Variants in AKAP13 observed in about 807,000 individuals in gnomAD.
The protein encoded by AKAP13 is A-kinase anchor protein 13.
AKAP13 carries 80 observed loss-of-function variants against 264.5 expected under a neutral mutation model. That is an observed-to-expected ratio of 0.30 (90% CI 0.25 to 0.36). AKAP13 has a LOEUF of 0.36. AKAP13 is among the 10% of genes least tolerant of loss of function. The pLI is 1.00. For missense variants in AKAP13, 3,712 were observed against 3,435.2 expected (o/e 1.08, Z -2.01); for synonymous variants, 1,380 against 1,250.2 (o/e 1.10, Z -2.19).
At chr15:85,524,000 A>G (rs940389368) in intron 3 of AKAP13, among the ~76,000 whole-genome samples, 1 of 152,226 alleles carries the variant, frequency 6.6e-6, no homozygotes, top group African/African-American at 2.4e-5. Context: ...CTTCGTGGAA[A>G]GTCCATGCAG....
chr15:85,395,452 G>GA (rs1941986784), intron 1 of AKAP13, among the ~76,000 whole-genome samples: 1 of 152,124 alleles, frequency 6.6e-6, no homozygotes, highest in South Asian at 2.1e-4. Flanking sequence ...GTTCTGCCAA[G>GA]ATTTATGGTA....
At chr15:85,732,080 CAAAAAAAAAA>C (rs34426976) in intron 30 of AKAP13, among the ~76,000 whole-genome samples, 2 of 114,574 alleles carry the variant, frequency 1.7e-5, no homozygotes, top group African/African-American at 6.4e-5. Context: ...GAGACTATCT[CAAAAAAAAAA>C]AAAAAAAACG....
chr15:85,417,518 G>C (rs1431190475), intron 1 of AKAP13, among the ~76,000 whole-genome samples: 6 of 152,288 alleles, frequency 3.9e-5, no homozygotes, highest in African/African-American at 1.4e-4. Flanking sequence ...TATGATTAAT[G>C]GGTATTAGGA....
chr15:85,501,740 G>A (rs1468331839), intron 2 of AKAP13, among the ~76,000 whole-genome samples: 1 of 152,214 alleles, frequency 6.6e-6, no homozygotes, highest in Non-Finnish European at 1.5e-5. Flanking sequence ...TAAGAACAGA[G>A]TTAGAATTCA....
chr15:85,511,325 T>A (rs2076411311), intron 2 of AKAP13, among the ~76,000 whole-genome samples: 1 of 152,188 alleles, frequency 6.6e-6, no homozygotes, highest in South Asian at 2.1e-4. Flanking sequence ...TACCACAAAC[T>A]CATCTACAGT....
In AKAP13 at chr15:85,696,035, A is replaced by G. The variant is rs183540226; in HGVS notation, c.5464+2584A>G. ...ATTAAAACATTTTTAGCATACTCAC[A>G]TAGGATACATACATAACATAAAAAT... is the stretch of plus-strand genomic sequence containing the variant. On this transcript the variant is annotated intron_variant, in intron 17 of 36. Transcript: ENST00000394518. Among the ~76,000 whole-genome samples the G allele has an allele frequency of 1.3e-3, 199 of 152,344 alleles. 1 individual carries two copies. Among genetic ancestry groups the G allele is most frequent in the South Asian group, 3.1e-3 (15 of 4,828 alleles).
In AKAP13 at chr15:85,727,281, C is replaced by T. The variant is rs1162941616; in HGVS notation, c.7004+34C>T. 1 of 1,613,416 alleles carries T rather than the reference C, an allele frequency of 6.2e-7. No homozygotes were observed. The highest frequency in any genetic ancestry group is 1.7e-5 in the Admixed American group (1 of 59,992). On this transcript the variant is annotated intron_variant, in intron 28 of 36. Coordinates refer to ENST00000394518, the MANE Select transcript of AKAP13 (RefSeq NM_007200.5). This position sits in a 1 kb window ranked among gnomAD's most constrained non-coding sequence, Gnocchi z 5.3. ...ACCACCAGGCCCCACCCTTCCCAGC[C>T]CTCCTGATGTCTCTGTGTGATTTCA...
At chr15:85,598,718 A>G (rs1216618387) in intron 8 of AKAP13, among the ~76,000 whole-genome samples, 2 of 152,230 alleles carry the variant, frequency 1.3e-5, no homozygotes, top group Non-Finnish European at 2.9e-5. Flanking sequence ...GAAATGAACC[A>G]GGAGTTGACA....
At chr15:85,681,939 A>C (rs950163044) in intron 14 of AKAP13, among the ~76,000 whole-genome samples, 2 of 152,068 alleles carry the variant, frequency 1.3e-5, no homozygotes, top group African/African-American at 4.8e-5. Flanking sequence ...GATTAAACTT[A>C]TTTTCTTCAT....
At chr15:85,555,463 C>T (rs1281205843) in intron 5 of AKAP13, 26 of 1,288,622 alleles carry the variant, frequency 2.0e-5, no homozygotes, top group South Asian at 2.5e-5. Flanking sequence ...GATGGGCTTG[C>T]GATATTCGGG....
chr15:85,584,367 C>A (rs1184685022), intron 7 of AKAP13, among the ~76,000 whole-genome samples: 1 of 152,088 alleles, frequency 6.6e-6, no homozygotes, highest in African/African-American at 2.4e-5. Context: ...GGTTGCTGTG[C>A]CAAGATGCAT....
chr15:85,650,791 C>T (rs377713791), intron 10 of AKAP13, among the ~76,000 whole-genome samples: 2 of 65,150 alleles, frequency 3.1e-5, no homozygotes, highest in African/African-American at 6.0e-5. Flanking sequence ...AAAAAAAAAA[C>T]AACAAAAACT....
chr15:85,642,669 T>G (rs2082363887), intron 9 of AKAP13, among the ~76,000 whole-genome samples: 1 of 152,210 alleles, frequency 6.6e-6, no homozygotes, highest in Non-Finnish European at 1.5e-5. Flanking sequence ...CAGAGCAGAC[T>G]CTCGTCCCAA....
chr15:85,610,497 C>G (rs1448052868), intron 8 of AKAP13, among the ~76,000 whole-genome samples: 1 of 152,232 alleles, frequency 6.6e-6, no homozygotes, highest in Non-Finnish European at 1.5e-5. Context: ...ATGGAACTCA[C>G]TTCTTGGTAA....
intron 1 of AKAP13, among the ~76,000 whole-genome samples, chr15:85,484,551 T>C (rs116957581): frequency 6.6e-6 from 1 of 152,226 alleles, no homozygotes. Flanking sequence ...ACGTTGAAGC[T>C]TGGGGCCTGC....
At chr15:85,450,288 T>C (rs2074037401) in intron 1 of AKAP13, among the ~76,000 whole-genome samples, 1 of 151,850 alleles carries the variant, frequency 6.6e-6, no homozygotes, top group Non-Finnish European at 1.5e-5. Flanking sequence ...TCTAATTGTG[T>C]TTATTTGGAT....
At chr15:85,614,585 G>T (rs561672873) in intron 8 of AKAP13, among the ~76,000 whole-genome samples, 1 of 152,254 alleles carries the variant, frequency 6.6e-6, no homozygotes, top group African/African-American at 2.4e-5. Flanking sequence ...AAAATCAAAT[G>T]TAGGGATATT....
intron 5 of AKAP13, among the ~76,000 whole-genome samples, chr15:85,563,329 GTTTTT>G (rs1184437606): frequency 1.8e-5 from 1 of 54,194 alleles, no homozygotes; most frequent in Non-Finnish European, 4.1e-5. Flanking sequence ...GAATGTGCTT[GTTTTT>G]TTTTTTTTTT....
intron 1 of AKAP13, among the ~76,000 whole-genome samples, chr15:85,405,300 TA>T (rs1203384251): frequency 1.3e-5 from 2 of 152,242 alleles, no homozygotes; most frequent in Non-Finnish European, 2.9e-5. Flanking sequence ...CTGGGTAGTT[TA>T]AAAGACCCAG....
Sources: gnomAD v4.1 joint callset for allele counts (sites outside exome capture counted in the v4.1 genomes callset) on GRCh38, gnomAD v4.1.1 for gene constraint, Gnocchi (gnomAD v3.1) non-coding constraint, MANE v1.5 for transcripts, NCBI Gene and HGNC (gene_info 2026-07-23, HGNC 2026-07-21) for gene names.